Variants in TTC28 observed in about 807,000 individuals in gnomAD.
TTC28 encodes tetratricopeptide repeat domain 28, also known as tetratricopeptide repeat protein 28.
Under a neutral mutation model 198.0 loss-of-function variants are expected in TTC28, and 61 were observed. The ratio of observed to expected loss-of-function variants is 0.31; its 90% CI spans 0.25 to 0.38. TTC28 has a LOEUF of 0.38. TTC28 is among the 10% of genes least tolerant of loss of function. TTC28 has a pLI of 1.00. For synonymous variants in TTC28, 1,171 were observed against 1,297.8 expected, an observed-to-expected ratio of 0.90 and a Z score of 2.10; for missense variants, 2,678 against 3,164.0, an observed-to-expected ratio of 0.85 and a Z score of 3.69.
chr22:28,497,682 G>A (rs1011529640), intron 2 of TTC28, among the ~76,000 whole-genome samples: 20 of 152,158 alleles, frequency 1.3e-4, no homozygotes, highest in Non-Finnish European at 2.9e-5. Context: ...AAATACATAT[G>A]TAGGTGTTAG....
Position 28,516,600 on chromosome 22 carries a change from G to C in TTC28, c.381+112952C>G, listed in dbSNP as rs529060796. 1.1e-4 allele frequency among the ~76,000 whole-genome samples: 16 copies of C among 151,466 alleles called. No individual in the cohort carries two copies. In the South Asian group the frequency reaches 3.2e-3, roughly 30 times the overall value. On this transcript the variant is annotated intron_variant, in intron 2 of 22. Transcript: ENST00000397906. The stretch of plus-strand genomic sequence containing the variant: ...ACAGGGCGGGGAACATCACACACTG[G>C]GGCCTGTCAGGGGGTGGGGGGCTTG...
intron 5 of TTC28, among the ~76,000 whole-genome samples, chr22:28,201,070 G>GT (rs1203668964): frequency 6.6e-6 from 1 of 152,160 alleles, no homozygotes; most frequent in Admixed American, 6.5e-5. Flanking sequence ...ACACATTAGA[G>GT]TTGGATAGTG....
rs932275690 is a variant in TTC28, at chr22:27,981,806, A to G, written c.*415T>C. ...AACCGAAAGCCTTAGAAAAAGCTCT[A>G]TTTGTATTTCTGTGTATAAAAGGTA... On this transcript the variant is annotated 3_prime_UTR_variant, in exon 23 of 23. Coordinates refer to ENST00000397906, the MANE Select transcript of TTC28 (RefSeq NM_001145418.2). 1 of 160,540 alleles carries G rather than the reference A, an allele frequency of 6.2e-6. No homozygotes were observed. The highest frequency in any genetic ancestry group is 1.3e-5 in the Non-Finnish European group (1 of 74,508). The allele number at this position is 160,540 out of a possible 1,614,324, so 9.9% of individuals were successfully genotyped here.
chr22:28,526,488 G>A lies in TTC28; in HGVS notation c.381+103064C>T, dbSNP rs529571872. 2.1e-4 allele frequency among the ~76,000 whole-genome samples: 32 copies of A among 152,266 alleles called. 1 individual carries two copies. The South Asian group carries it at 5.4e-3, about 26-fold the overall frequency. On this transcript the variant is annotated intron_variant, in intron 2 of 22. Transcript: ENST00000397906. ...TGTCAAATCTTGAAAGAAGAGAAAT[G>A]CAGTGGGCAAGAATAGCATGTATAC...
At chr22:28,144,817 C>T (rs1008353071) in intron 6 of TTC28, among the ~76,000 whole-genome samples, 1 of 152,176 alleles carries the variant, frequency 6.6e-6, no homozygotes, top group Non-Finnish European at 1.5e-5. Context: ...CTGACTGCTG[C>T]AGGGGAATAT....
intron 2 of TTC28, among the ~76,000 whole-genome samples, chr22:28,411,455 C>A (rs1041301779): frequency 6.6e-6 from 1 of 152,114 alleles, no homozygotes; most frequent in Admixed American, 6.6e-5. Context: ...TTCAGAAGAA[C>A]GTTCTTATCC....
chr22:28,390,796 C>A (rs2146064334), intron 2 of TTC28, among the ~76,000 whole-genome samples: 1 of 152,240 alleles, frequency 6.6e-6, no homozygotes, highest in African/African-American at 2.4e-5. Flanking sequence ...ACTCTTTATC[C>A]AATTTGCCAG....
intron 2 of TTC28, among the ~76,000 whole-genome samples, chr22:28,406,607 T>G (rs917278050): frequency 2.0e-5 from 3 of 152,240 alleles, no homozygotes. Flanking sequence ...ATTAAAAGTT[T>G]GAAGTCTGGC....
chr22:28,579,473 CTAATTATATATAGTTATATGTA>C (rs1038489728), intron 2 of TTC28, among the ~76,000 whole-genome samples: 4 of 147,592 alleles, frequency 2.7e-5, no homozygotes, highest in African/African-American at 9.9e-5. Flanking sequence ...CTACATATTA[CTAATTATATATAGTTATATGTA>C]TAGTTATATA....
chr22:28,546,280 T>A (rs2145946453), intron 2 of TTC28, among the ~76,000 whole-genome samples: 1 of 152,252 alleles, frequency 6.6e-6, no homozygotes, highest in East Asian at 1.9e-4. Flanking sequence ...ACCCCGTCTC[T>A]ATTAAAAATA....
intron 4 of TTC28, 66 bp from the exon 5 acceptor site, chr22:28,296,394 T>C (rs568135964): frequency 8.3e-5 from 104 of 1,252,334 alleles, no homozygotes; most frequent in Middle Eastern, 2.5e-4. Context: ...TTATAACATA[T>C]AATGGTCATC....
intron 5 of TTC28, among the ~76,000 whole-genome samples, chr22:28,187,306 T>C (rs555998055): frequency 1.3e-5 from 2 of 152,288 alleles, no homozygotes; most frequent in South Asian, 4.1e-4. Context: ...ATCAAAATAA[T>C]TTGTCATAAA....
chr22:28,265,895 TAA>T (rs1931650337), intron 5 of TTC28, among the ~76,000 whole-genome samples: 1 of 152,136 alleles, frequency 6.6e-6, no homozygotes, highest in South Asian at 2.1e-4. Flanking sequence ...ACAATTATTT[TAA>T]AAGTTTCTGT....
chr22:28,340,001 C>T (rs1471927967), intron 2 of TTC28, among the ~76,000 whole-genome samples: 1 of 152,206 alleles, frequency 6.6e-6, no homozygotes, highest in Non-Finnish European at 1.5e-5. Flanking sequence ...GAGCTGTAGA[C>T]TGGAGCTGTT....
intron 12 of TTC28, among the ~76,000 whole-genome samples, chr22:28,039,047 T>A (rs1413387222): frequency 6.6e-6 from 1 of 152,198 alleles, no homozygotes; most frequent in East Asian, 1.9e-4. Context: ...TGTGGAGATA[T>A]AGGAACACCT....
At position 28,308,281 on chromosome 22, in the gene TTC28, T is replaced by C. The variant is rs187039579; in HGVS notation, c.382-1638A>G. Among the ~76,000 whole-genome samples, 125 of 152,322 alleles carry C rather than the reference T, an allele frequency of 8.2e-4. No individual in the cohort carries two copies. The South Asian group carries it at 8.3e-3, about 10-fold the overall frequency. On this transcript the variant is annotated intron_variant, in intron 2 of 22. Transcript: ENST00000397906. Reference sequence around the variant, plus strand: ...TTTCACTTTTTAGGTAGTTTCTATATTGCAAGAGGCAACAGTATATTCCAA... The same window carrying C: ...TTTCACTTTTTAGGTAGTTTCTATACTGCAAGAGGCAACAGTATATTCCAA...
intron 2 of TTC28, among the ~76,000 whole-genome samples, chr22:28,619,692 CTTG>C (rs2050960721): frequency 6.6e-6 from 1 of 152,214 alleles, no homozygotes; most frequent in South Asian, 2.1e-4. Flanking sequence ...CTCAAACTAA[CTTG>C]TTGTAACATG....
chr22:28,488,444 G>A (rs565832158), intron 2 of TTC28, among the ~76,000 whole-genome samples: 1 of 152,240 alleles, frequency 6.6e-6, no homozygotes, highest in African/African-American at 2.4e-5. Flanking sequence ...TAAGCTTGAG[G>A]CAGTTACAGT....
chr22:28,640,075 T>G (rs1569077469), intron 1 of TTC28, among the ~76,000 whole-genome samples: 1 of 151,896 alleles, frequency 6.6e-6, no homozygotes, highest in South Asian at 2.1e-4. Context: ...TGGAGGCCGA[T>G]GTGGGTAGAT....
Sources: allele counts gnomAD v4.1 joint callset (sites outside exome capture counted in the v4.1 genomes callset), GRCh38; gene constraint gnomAD v4.1.1; transcripts MANE v1.5; gene names NCBI Gene and HGNC (gene_info 2026-07-23, HGNC 2026-07-21).